The following PTPRD variants were observed in gnomAD, a reference collection of about 807,000 sequenced individuals.
PTPRD encodes protein tyrosine phosphatase receptor type D.
In PTPRD, 34 loss-of-function variants were observed where a neutral mutation model predicts 214.5. The ratio of observed to expected loss-of-function variants is 0.16; its 90% confidence interval spans 0.12 to 0.21. PTPRD has a LOEUF of 0.21. Ranked by LOEUF, PTPRD falls within the 10% of genes least tolerant of loss-of-function variation. PTPRD has a pLI of 1.00. For missense variants in PTPRD, 2,545 were observed against 2,398.7 expected (o/e 1.06, Z -1.27); for synonymous variants, 1,128 against 845.7 (o/e 1.33, Z -5.79).
intron 3 of PTPRD, among the ~76,000 whole-genome samples, chr9:10,096,384 A>G (rs1371244459): frequency 6.6e-6 from 1 of 151,830 alleles, no homozygotes; most frequent in East Asian, 2.0e-4. Context: ...ACTTCTCCAC[A>G]TCGTCTCCAG....
chr9:10,330,243 T>C (rs1358627505), intron 3 of PTPRD, among the ~76,000 whole-genome samples: 2 of 151,808 alleles, frequency 1.3e-5, no homozygotes, highest in Non-Finnish European at 2.9e-5. Flanking sequence ...CTAATGATGG[T>C]GTATTCCAAC....
At chr9:8,454,607 G>A in intron 33 of PTPRD, 3 of 1,612,126 alleles carry the variant, frequency 1.9e-6, no homozygotes, top group Non-Finnish European at 2.5e-6. Flanking sequence ...CCATTTTAAT[G>A]CAGCAAAAAA....
At chr9:8,682,026 A>T (rs2097560568) in intron 12 of PTPRD, among the ~76,000 whole-genome samples, 1 of 152,220 alleles carries the variant, frequency 6.6e-6, no homozygotes, top group African/African-American at 2.4e-5. Flanking sequence ...AAACCCTTAA[A>T]TATGAAAAAT....
At chr9:9,502,625 A>T (rs1386357428) in intron 8 of PTPRD, among the ~76,000 whole-genome samples, 2 of 151,934 alleles carry the variant, frequency 1.3e-5, no homozygotes, top group African/African-American at 4.8e-5. Flanking sequence ...TTATGAAAAG[A>T]ATCAAGCAAG....
At chr9:9,839,007 C>G (rs1394929173) in intron 5 of PTPRD, among the ~76,000 whole-genome samples, 1 of 152,030 alleles carries the variant, frequency 6.6e-6, no homozygotes, top group Non-Finnish European at 1.5e-5. Context: ...TTCCCAGCAC[C>G]ATTTATTAAA....
chr9:9,275,231 C>A (rs1355571641), intron 9 of PTPRD, among the ~76,000 whole-genome samples: 1 of 104,978 alleles, frequency 9.5e-6, no homozygotes, highest in Non-Finnish European at 1.8e-5. Flanking sequence ...ATTAGCATTT[C>A]ATGCTCTTTG....
intron 11 of PTPRD, among the ~76,000 whole-genome samples, chr9:8,835,096 C>A (rs1300550290): frequency 6.6e-6 from 1 of 152,190 alleles, no homozygotes; most frequent in African/African-American, 2.4e-5. Context: ...ATGGATTCAA[C>A]TGGGCCCCAT....
At chr9:10,459,234 T>C (rs1055479429) in intron 2 of PTPRD, among the ~76,000 whole-genome samples, 2 of 152,192 alleles carry the variant, frequency 1.3e-5, no homozygotes, top group African/African-American at 4.8e-5. Flanking sequence ...GAACTTATCC[T>C]TTTTTATGGC....
At chr9:9,561,266 G>A (rs547101610) in intron 8 of PTPRD, among the ~76,000 whole-genome samples, 3 of 152,154 alleles carry the variant, frequency 2.0e-5, no homozygotes, top group East Asian at 1.9e-4. Flanking sequence ...CTTACACCAC[G>A]TTTCCAGATC....
intron 3 of PTPRD, among the ~76,000 whole-genome samples, chr9:10,160,125 G>GA (rs1330246356): frequency 6.6e-6 from 1 of 151,990 alleles, no homozygotes; most frequent in Non-Finnish European, 1.5e-5. Flanking sequence ...CATGTAGACT[G>GA]AAAATGAATG....
At chr9:10,081,718 GTTA>G (rs2098241200) in intron 3 of PTPRD, among the ~76,000 whole-genome samples, 1 of 152,110 alleles carries the variant, frequency 6.6e-6, no homozygotes, top group Admixed American at 6.6e-5. Context: ...AGACAGGGGT[GTTA>G]TTATATTTTT....
chr9:9,765,251 T>C (rs1371509191), intron 6 of PTPRD, among the ~76,000 whole-genome samples: 1 of 152,204 alleles, frequency 6.6e-6, no homozygotes, highest in African/African-American at 2.4e-5. Context: ...GGCTTTCTTC[T>C]TCCATATGAG....
intron 14 of PTPRD, among the ~76,000 whole-genome samples, chr9:8,572,649 G>A (rs1023508526): frequency 2.0e-5 from 3 of 151,932 alleles, no homozygotes; most frequent in Admixed American, 1.3e-4. Context: ...TGCTTAGAGA[G>A]GTACTTGAGT....
At chr9:9,289,207 C>T (rs1330728441) in intron 9 of PTPRD, among the ~76,000 whole-genome samples, 3 of 151,696 alleles carry the variant, frequency 2.0e-5, no homozygotes, top group Non-Finnish European at 2.9e-5. Context: ...TAAACTAACA[C>T]CATCCTTCAA....
At chr9:9,658,698 T>A (rs917461602) in intron 7 of PTPRD, among the ~76,000 whole-genome samples, 5 of 152,158 alleles carry the variant, frequency 3.3e-5, no homozygotes, top group African/African-American at 1.2e-4. Context: ...TTAAGTAGCT[T>A]AAGATATTTT....
At chr9:8,652,935 G>C (rs558771015) in intron 12 of PTPRD, among the ~76,000 whole-genome samples, 1 of 152,268 alleles carries the variant, frequency 6.6e-6, no homozygotes, top group South Asian at 2.1e-4. Context: ...TAAAGATAAA[G>C]CCTCTGGGAT....
chr9:9,959,491 A>G (rs1417560282), intron 4 of PTPRD, among the ~76,000 whole-genome samples: 1 of 152,228 alleles, frequency 6.6e-6, no homozygotes, highest in Non-Finnish European at 1.5e-5. Context: ...CTTAATGTAT[A>G]GACATTTAAA....
chr9:10,442,408 A>C (rs796539894), intron 2 of PTPRD, among the ~76,000 whole-genome samples: 2 of 151,740 alleles, frequency 1.3e-5, no homozygotes, highest in African/African-American at 4.8e-5. Context: ...AGGTAGGAGA[A>C]TGTTACAGAT....
At chr9:8,692,957 C>T (rs571854087) in intron 12 of PTPRD, among the ~76,000 whole-genome samples, 3 of 152,202 alleles carry the variant, frequency 2.0e-5, no homozygotes, top group South Asian at 4.1e-4. Flanking sequence ...CCAGGCTTAA[C>T]GCCAGTGTGA....
Sources: gnomAD v4.1 joint callset for allele counts (sites outside exome capture counted in the v4.1 genomes callset) on GRCh38, gnomAD v4.1.1 for gene constraint, MANE v1.5 for transcripts, NCBI Gene and HGNC (gene_info 2026-07-23, HGNC 2026-07-21) for gene names.